Variants in KHDRBS2 observed in about 807,000 individuals in gnomAD.
The protein encoded by KHDRBS2 is KH domain-containing, RNA-binding, signal transduction-associated protein 2.
KHDRBS2 carries 26 observed loss-of-function variants against 44.3 expected under a neutral mutation model. The observed-to-expected ratio is 0.59, with a 90% CI of 0.43 to 0.81. The LOEUF (loss-of-function observed/expected upper bound fraction) is 0.81. KHDRBS2 is among the 40% of genes least tolerant of loss of function. The pLI is 0.00. For missense variants in KHDRBS2, 476 were observed against 433.1 expected, an observed-to-expected ratio of 1.10 and a Z score of -0.88; for synonymous variants, 194 against 151.1, an observed-to-expected ratio of 1.28 and a Z score of -2.08.
At chr6:61,829,734 G>C (rs1171170051) in intron 6 of KHDRBS2, among the ~76,000 whole-genome samples, 2 of 152,150 alleles carry the variant, frequency 1.3e-5, no homozygotes, top group African/African-American at 4.8e-5. Context: ...CAAGCTAATA[G>C]TGATATATCA....
intron 6 of KHDRBS2, among the ~76,000 whole-genome samples, chr6:61,771,779 G>A (rs535164726): frequency 2.6e-5 from 4 of 152,136 alleles, no homozygotes; most frequent in Non-Finnish European, 4.4e-5. Context: ...ACAGATCAAC[G>A]GAACAGAAAG....
chr6:61,730,203 T>C (rs1266946646), intron 7 of KHDRBS2, among the ~76,000 whole-genome samples: 1 of 152,162 alleles, frequency 6.6e-6, no homozygotes, highest in African/African-American at 2.4e-5. Context: ...TTGACCAAAA[T>C]AGGCATTTTA....
the KHDRBS2 span, among the ~76,000 whole-genome samples, chr6:61,639,777 GT>G: frequency 6.6e-6 from 1 of 152,038 alleles, no homozygotes; most frequent in Non-Finnish European, 1.5e-5. Context: ...TTAAATAAAT[GT>G]TGAATGAGTT....
At chr6:62,024,506 T>C (rs976628256) in intron 3 of KHDRBS2, among the ~76,000 whole-genome samples, 1 of 151,604 alleles carries the variant, frequency 6.6e-6, no homozygotes, top group African/African-American at 2.4e-5. Flanking sequence ...TTTAAAGTGA[T>C]AAATTTTAAA....
chr6:62,019,645 T>G (rs1236697892), intron 3 of KHDRBS2, among the ~76,000 whole-genome samples: 1 of 152,108 alleles, frequency 6.6e-6, no homozygotes, highest in Non-Finnish European at 1.5e-5. Flanking sequence ...AGACTATTTC[T>G]TCTTAAATAA....
At chr6:61,608,238 A>G in the KHDRBS2 span, among the ~76,000 whole-genome samples, 1 of 151,848 alleles carries the variant, frequency 6.6e-6, no homozygotes, top group Non-Finnish European at 1.5e-5. Flanking sequence ...TGTTTTATAT[A>G]TATATACATA....
chr6:61,768,998 C>A (rs1315059031), intron 6 of KHDRBS2, among the ~76,000 whole-genome samples: 2 of 151,978 alleles, frequency 1.3e-5, no homozygotes, highest in African/African-American at 4.8e-5. Context: ...TATTGCCAGT[C>A]CTTTTTGATT....
At chr6:62,149,844 T>C (rs1814726099) in intron 2 of KHDRBS2, among the ~76,000 whole-genome samples, 1 of 152,198 alleles carries the variant, frequency 6.6e-6, no homozygotes, top group Non-Finnish European at 1.5e-5. Flanking sequence ...TTCATCAGCA[T>C]AGGCCTAAAT....
chr6:61,777,496 T>G (rs1782260981), intron 6 of KHDRBS2, among the ~76,000 whole-genome samples: 1 of 152,034 alleles, frequency 6.6e-6, no homozygotes. Context: ...CCCTTGCAAA[T>G]AAACATGAAG....
intron 6 of KHDRBS2, among the ~76,000 whole-genome samples, chr6:61,755,427 C>T (rs142190068): frequency 6.6e-6 from 1 of 152,086 alleles, no homozygotes; most frequent in African/African-American, 2.4e-5. Flanking sequence ...CAAAACTAGT[C>T]TGCAGAAAAA....
chr6:61,790,028 G>C (rs892154781), intron 6 of KHDRBS2, among the ~76,000 whole-genome samples: 5 of 151,356 alleles, frequency 3.3e-5, no homozygotes, highest in African/African-American at 1.2e-4. Flanking sequence ...TATTTATGTT[G>C]GTTTGGGTGC....
At chr6:61,899,029 T>A (rs932556300) in intron 5 of KHDRBS2, among the ~76,000 whole-genome samples, 5 of 151,932 alleles carry the variant, frequency 3.3e-5, no homozygotes, top group African/African-American at 1.2e-4. Context: ...CATAAATCCC[T>A]TTTTACTTTC....
chr6:61,833,617 G>T (rs1164202886), intron 6 of KHDRBS2, among the ~76,000 whole-genome samples: 2 of 151,504 alleles, frequency 1.3e-5, no homozygotes, highest in East Asian at 1.9e-4. Flanking sequence ...CCAGCATATA[G>T]TTCTCCATCA....
At chr6:61,830,949 A>T (rs1431906401) in intron 6 of KHDRBS2, among the ~76,000 whole-genome samples, 2 of 152,216 alleles carry the variant, frequency 1.3e-5, no homozygotes, top group Non-Finnish European at 2.9e-5. Flanking sequence ...AAATGTTCCT[A>T]AATAAATTTT....
At chr6:61,685,385 T>C (rs1039383792) in intron 8 of KHDRBS2, among the ~76,000 whole-genome samples, 1 of 151,786 alleles carries the variant, frequency 6.6e-6, no homozygotes, top group African/African-American at 2.4e-5. Context: ...AGAATATTTG[T>C]AAGCTGCATA....
chr6:62,136,965 GTGAC>G (rs1436588332), intron 2 of KHDRBS2, among the ~76,000 whole-genome samples: 4 of 146,276 alleles, frequency 2.7e-5, no homozygotes, highest in Admixed American at 2.0e-4. Context: ...TAAACCTCCT[GTGAC>G]TGACTTTCAG....
intron 4 of KHDRBS2, among the ~76,000 whole-genome samples, chr6:61,969,446 C>T (rs138425163): frequency 8.5e-5 from 13 of 152,164 alleles, no homozygotes; most frequent in Non-Finnish European, 1.6e-4. Flanking sequence ...GATGTCTGTA[C>T]TTTGCATGAG....
chr6:61,575,043 A>G, the KHDRBS2 span, among the ~76,000 whole-genome samples: 1 of 152,228 alleles, frequency 6.6e-6, no homozygotes, highest in African/African-American at 2.4e-5. Context: ...TCCTCTAGAC[A>G]TTGGCTTATG....
intron 1 of KHDRBS2, among the ~76,000 whole-genome samples, chr6:62,283,840 T>C (rs1263464714): frequency 1.3e-5 from 2 of 152,134 alleles, no homozygotes; most frequent in Non-Finnish European, 2.9e-5. Context: ...ATAAAACCTA[T>C]GCACCCTTTT....
Sources: allele counts gnomAD v4.1 joint callset (sites outside exome capture counted in the v4.1 genomes callset), GRCh38; gene constraint gnomAD v4.1.1; transcripts MANE v1.5; gene names NCBI Gene and HGNC (gene_info 2026-07-23, HGNC 2026-07-21).